TDRD12: variants seen among roughly 807,000 people sequenced by gnomAD.
The protein encoded by TDRD12 is tudor domain containing 12.
A neutral mutation model predicts 133.5 loss-of-function variants in TDRD12; 158 were observed. The ratio of observed to expected loss-of-function variants is 1.18; its 90% CI spans 1.04 to 1.35. The LOEUF is 1.35. Among genes scored for constraint, TDRD12 ranks in the 40% most tolerant of loss-of-function variants. The pLI, the probability that TDRD12 is intolerant of heterozygous loss-of-function variation, is 0.00. For synonymous variants in TDRD12, 460 were observed against 477.9 expected (o/e 0.96, Z 0.49); for missense variants, 1,443 against 1,321.3 (o/e 1.09, Z -1.43).
intron 6 of TDRD12, among the ~76,000 whole-genome samples, chr19:32,752,411 C>T (rs1446095119): frequency 2.6e-5 from 4 of 151,984 alleles, no homozygotes; most frequent in African/African-American, 4.8e-5. Flanking sequence ...AACTCCTGAC[C>T]TTAGGTGATC....
chr19:32,768,254 C>A lies in TDRD12; in HGVS notation c.866-4499C>A, dbSNP rs1970352610. 2.0e-5 allele frequency among the ~76,000 whole-genome samples: 3 copies of A among 152,124 alleles called. No individual in the cohort carries two copies. The South Asian group carries it at 6.2e-4, about 32-fold the overall frequency. On this transcript the variant is annotated intron_variant, in intron 8 of 27. Transcript: ENST00000444215. Reference sequence around the variant, plus strand: ...GATAACTAACAGACCCTGCCACACTCCCCAGCACAGAGACTTCAGATTTTG... The same window carrying A: ...GATAACTAACAGACCCTGCCACACTACCCAGCACAGAGACTTCAGATTTTG...
At chr19:32,800,090 C>G (rs1971342692) in intron 16 of TDRD12, 77 bp from the exon 17 acceptor site, 3 of 867,128 alleles carry the variant, frequency 3.5e-6, no homozygotes, top group South Asian at 3.8e-5. Flanking sequence ...ATATACAAAC[C>G]CTTACATTTT....
intron 11 of TDRD12, among the ~76,000 whole-genome samples, chr19:32,782,268 C>T (rs1335970875): frequency 3.3e-5 from 5 of 152,152 alleles, no homozygotes; most frequent in African/African-American, 4.8e-5. Flanking sequence ...TTTCCAGCTT[C>T]ATCCCTGTCC....
At chr19:32,768,612 C>T (rs987100345) in intron 8 of TDRD12, among the ~76,000 whole-genome samples, 8 of 151,710 alleles carry the variant, frequency 5.3e-5, no homozygotes, top group Admixed American at 5.3e-4. Context: ...TAATCTTGCC[C>T]GCCTCGGCCT....
At chr19:32,817,942 G>A (rs951479481) in intron 26 of TDRD12, 147 bp from the exon 27 acceptor site, 2 of 655,422 alleles carry the variant, frequency 3.1e-6, no homozygotes, top group African/African-American at 3.7e-5. Flanking sequence ...TGTAGGGCCT[G>A]GTAGCTTTAG....
At chr19:32,821,481 CCTGA>C (rs1291215591), downstream of TDRD12, among the ~76,000 whole-genome samples, 3 of 152,050 alleles carry the variant, frequency 2.0e-5, no homozygotes, top group Non-Finnish European at 4.4e-5. Context: ...CCGGAACCCT[CCTGA>C]CTGACCATTC....
chr19:32,777,871 T>C (rs1285509591), intron 11 of TDRD12, among the ~76,000 whole-genome samples: 10 of 90,400 alleles, frequency 1.1e-4, no homozygotes, highest in African/African-American at 4.0e-4. Flanking sequence ...TTTTTTTTTT[T>C]TTTTTTTTTT....
downstream of TDRD12, among the ~76,000 whole-genome samples, chr19:32,823,614 C>T (rs1381908024): frequency 6.6e-6 from 1 of 152,172 alleles, no homozygotes; most frequent in East Asian, 1.9e-4. Context: ...AATGCACATA[C>T]ACGTTCTCTT....
intron 8 of TDRD12, among the ~76,000 whole-genome samples, chr19:32,766,143 T>C (rs1970290104): frequency 6.6e-6 from 1 of 152,326 alleles, no homozygotes; most frequent in Non-Finnish European, 1.5e-5. Flanking sequence ...AGGGAGCATA[T>C]AGTTGTGTCC....
At position 32,781,146 on chromosome 19, in the gene TDRD12, T is replaced by C. The variant is rs771809929; in HGVS notation, c.1121+3917T>C. On this transcript the variant is annotated intron_variant, in intron 11 of 27. Coordinates refer to ENST00000444215, the Ensembl canonical transcript of TDRD12. The stretch of plus-strand genomic sequence containing the variant: ...TTTTAGTAGAGACGGGGTTTCACCG[T>C]GTTAGCCAGGATGGTCTCTATCTCC... 5.5e-4 allele frequency among the ~76,000 whole-genome samples: 83 copies of C among 152,068 alleles called. 1 individual carries two copies. Among genetic ancestry groups the C allele is most frequent in the Admixed American group, 9.2e-4 (14 of 15,252 alleles).
intron 11 of TDRD12, among the ~76,000 whole-genome samples, chr19:32,788,039 G>A (rs997768445): frequency 5.3e-5 from 8 of 152,094 alleles, no homozygotes; most frequent in Non-Finnish European, 7.4e-5. Context: ...GAGAGCTATA[G>A]ACTGGAGCTG....
downstream of TDRD12, among the ~76,000 whole-genome samples, chr19:32,825,559 A>G (rs182887169): frequency 1.4e-3 from 211 of 152,294 alleles, no homozygotes; most frequent in Middle Eastern, 3.4e-3. This position sits in a 1 kb window ranked among gnomAD's most constrained non-coding sequence, Gnocchi z 4.1. Context: ...TTGAATTTTA[A>G]TACTTGTCAA....
In TDRD12 at chr19:32,740,260, TCTCTCTGCATCTCCTGGGCG is replaced by T. The variant is rs1568451281; in HGVS notation, c.320+1288_320+1307del. Among the ~76,000 whole-genome samples the T allele has an allele frequency of 8.2e-4, 47 of 57,436 alleles. 2 individuals are homozygous for T. Among genetic ancestry groups the T allele is most frequent in the African/African-American group, 4.2e-3 (44 of 10,588 alleles). 37.7% of individuals were successfully genotyped at this position (57,436 alleles called of 152,430 possible). A position where few individuals can be genotyped will look rare whatever the true frequency, so the allele number is the denominator to read the frequency against. ...GGGCACTCTCTGCATCTCCTGGTGC[TCTCTCTGCATCTCCTGGGCG>T]CTCTCTGCATCTCCTGGGCACTCTC... On this transcript the variant is annotated intron_variant, in intron 3 of 27. Transcript: ENST00000444215.
intron 1 of TDRD12, among the ~76,000 whole-genome samples, chr19:32,726,542 TC>T (rs1395831363): frequency 1.3e-5 from 2 of 152,206 alleles, no homozygotes; most frequent in East Asian, 3.9e-4. Flanking sequence ...CTTATTTCAC[TC>T]AGTATAATGT....
At chr19:32,771,052 G>A (rs1196872058) in intron 8 of TDRD12, among the ~76,000 whole-genome samples, 1 of 152,208 alleles carries the variant, frequency 6.6e-6, no homozygotes, top group African/African-American at 2.4e-5. Flanking sequence ...GAAGCATAGA[G>A]CTGGCATCTG....
intron 21 of TDRD12, among the ~76,000 whole-genome samples, chr19:32,805,602 C>A (rs1971524512): frequency 6.6e-6 from 1 of 152,008 alleles, no homozygotes; most frequent in South Asian, 2.1e-4. Flanking sequence ...TAACTTTATA[C>A]CAGTATTACA....
chr19:32,798,129 TC>T (rs1453239770), intron 15 of TDRD12, among the ~76,000 whole-genome samples, 178 bp from the exon 16 acceptor site: 2 of 152,232 alleles, frequency 1.3e-5, no homozygotes, highest in African/African-American at 4.8e-5. Context: ...TCATTTATCA[TC>T]TATTTACTGA....
intron 11 of TDRD12, among the ~76,000 whole-genome samples, chr19:32,783,680 A>G (rs1277791031): frequency 2.0e-5 from 3 of 152,136 alleles, no homozygotes; most frequent in Non-Finnish European, 2.9e-5. Flanking sequence ...GGTCCTTCAC[A>G]TCCCTTGTAA....
chr19:32,754,477 A>AT (rs1969929889), intron 6 of TDRD12, among the ~76,000 whole-genome samples: 1 of 152,034 alleles, frequency 6.6e-6, no homozygotes, highest in African/African-American at 2.4e-5. Flanking sequence ...AACAAAAAAA[A>AT]CCGCCAAAAT....
Sources: gnomAD v4.1 joint callset for allele counts (sites outside exome capture counted in the v4.1 genomes callset) on GRCh38, gnomAD v4.1.1 for gene constraint, Gnocchi (gnomAD v3.1) non-coding constraint, MANE v1.5 for transcripts, NCBI Gene and HGNC (gene_info 2026-07-23, HGNC 2026-07-21) for gene names.